Variants in PALD1 observed in about 807,000 individuals in gnomAD.
PALD1 encodes the protein paladin.
PALD1 carries 57 observed loss-of-function variants against 96.0 expected under a neutral mutation model. The observed-to-expected ratio is 0.59, with a 90% CI of 0.48 to 0.74. The LOEUF is 0.74. Ranked by LOEUF, PALD1 falls within the 30% of genes least tolerant of loss-of-function variation. PALD1 has a pLI of 0.00. For missense variants in PALD1, 1,063 were observed against 1,143.7 expected (o/e 0.93, Z 1.02); for synonymous variants, 464 against 473.6 (o/e 0.98, Z 0.26).
intron 4 of PALD1, 151 bp from the exon 5 acceptor site, chr10:70,531,139 C>T (rs1846980807): frequency 4.6e-6 from 3 of 651,890 alleles, no homozygotes; most frequent in Non-Finnish European, 8.0e-6. Flanking sequence ...TTGGACTGAG[C>T]TTTGTTTCTT....
chr10:70,536,604 A>G (rs1173291815), intron 10 of PALD1, among the ~76,000 whole-genome samples: 1 of 152,228 alleles, frequency 6.6e-6, no homozygotes, highest in Non-Finnish European at 1.5e-5. Flanking sequence ...ACTGGAACAC[A>G]GTCTTGCTGT....
At chr10:70,552,628 C>T (rs1275640316) in intron 18 of PALD1, among the ~76,000 whole-genome samples, 2 of 152,072 alleles carry the variant, frequency 1.3e-5, no homozygotes, top group Non-Finnish European at 2.9e-5. Flanking sequence ...TAAAGCACAT[C>T]GCAGTCCTCA....
At chr10:70,511,937 G>T (rs1025388295) in intron 1 of PALD1, among the ~76,000 whole-genome samples, 3 of 152,132 alleles carry the variant, frequency 2.0e-5, no homozygotes, top group Non-Finnish European at 4.4e-5. Context: ...TGAGGCAGAA[G>T]AATCACTTGA....
At position 70,540,086 on chromosome 10, in the gene PALD1, G is replaced by A. The variant is rs545455971; in HGVS notation, c.1908+324G>A. ...ACATGTGTTTATTATGTTGTAGGGT[G>A]TATGTGTGTGTATTGTGTTATGGGT... On this transcript the variant is annotated intron_variant, in intron 15 of 19. Transcript: ENST00000263563. This position sits in a 1 kb window ranked among gnomAD's most constrained non-coding sequence, Gnocchi z 4.2. Among the ~76,000 whole-genome samples the A allele has an allele frequency of 9.5e-4, 144 of 152,004 alleles. No individual in the cohort carries two copies. The highest frequency in any genetic ancestry group is 4.2e-3 in the South Asian group (20 of 4,810).
At chr10:70,498,676 C>G (rs1320845238) in intron 1 of PALD1, among the ~76,000 whole-genome samples, 1 of 151,906 alleles carries the variant, frequency 6.6e-6, no homozygotes, top group East Asian at 1.9e-4. Context: ...CCTGTAATCC[C>G]AGCACTTTGG....
intron 1 of PALD1, among the ~76,000 whole-genome samples, chr10:70,523,519 C>T (rs1438113185): frequency 6.6e-6 from 1 of 152,198 alleles, no homozygotes; most frequent in Non-Finnish European, 1.5e-5. Flanking sequence ...GAAGGTTCCG[C>T]TCTGCCCTTG....
At chr10:70,535,669 TTCTCCTTTC>T in intron 10 of PALD1, among the ~76,000 whole-genome samples, 1 of 119,992 alleles carries the variant, frequency 8.3e-6, no homozygotes. Context: ...CTCCTCCTCC[TTCTCCTTTC>T]TTCTCCTTTT....
At chr10:70,564,175 T>C (rs757320876) in intron 18 of PALD1, among the ~76,000 whole-genome samples, 189 bp from the exon 19 acceptor site, 3 of 152,084 alleles carry the variant, frequency 2.0e-5, no homozygotes, top group Non-Finnish European at 4.4e-5. Flanking sequence ...GCCTCTCAGG[T>C]AGGAAGTGGG....
At chr10:70,461,135 C>T in the PALD1 span, among the ~76,000 whole-genome samples, 1,202 of 152,388 alleles carry the variant, frequency 7.9e-3, 18 homozygotes, top group African/African-American at 0.027. Flanking sequence ...TGTGCAGCTG[C>T]AGCAGCCTTC....
upstream of PALD1, among the ~76,000 whole-genome samples, chr10:70,474,169 G>A (rs559217549): frequency 6.6e-6 from 1 of 152,264 alleles, no homozygotes; most frequent in Non-Finnish European, 1.5e-5. Context: ...CCTGCTCTTA[G>A]GAACCTCATT....
chr10:70,550,113 A>G (rs12782282), intron 18 of PALD1, among the ~76,000 whole-genome samples: 64,651 of 151,872 alleles, frequency 0.43, 14,236 homozygotes, highest in East Asian at 0.8. Context: ...CTGAGAGGAG[A>G]CACCCTCTAG....
chr10:70,541,305 C>T, intron 16 of PALD1, 63 bp downstream of exon 16: 1 of 1,557,014 alleles, frequency 6.4e-7, no homozygotes, highest in Non-Finnish European at 8.8e-7. Flanking sequence ...ACTCAGGTCC[C>T]AGGCACACTG....
intron 4 of PALD1, 63 bp downstream of exon 4, chr10:70,530,131 A>T (rs753237838): frequency 5.7e-6 from 8 of 1,392,226 alleles, no homozygotes; most frequent in Non-Finnish European, 7.7e-6. Flanking sequence ...GGCACCTTGG[A>T]GGGGCAGCTT....
chr10:70,483,408 C>T (rs1278257612), intron 1 of PALD1, among the ~76,000 whole-genome samples: 1 of 152,196 alleles, frequency 6.6e-6, no homozygotes, highest in African/African-American at 2.4e-5. Context: ...CCATGGAAGG[C>T]AGTAGAGAAC....
chr10:70,562,257 AC>A (rs746485425), intron 18 of PALD1, among the ~76,000 whole-genome samples: 109 of 151,346 alleles, frequency 7.2e-4, no homozygotes, highest in East Asian at 7.8e-4. Flanking sequence ...TCCACCTTTC[AC>A]CCCTGTCCCC....
chr10:70,465,563 C>A, the PALD1 span, among the ~76,000 whole-genome samples: 3 of 152,048 alleles, frequency 2.0e-5, no homozygotes, highest in Non-Finnish European at 4.4e-5. Context: ...GCCAATTAGG[C>A]GTGATTATGT....
chr10:70,515,186 C>A (rs1846594461), intron 1 of PALD1, among the ~76,000 whole-genome samples: 1 of 152,094 alleles, frequency 6.6e-6, no homozygotes, highest in Non-Finnish European at 1.5e-5. Flanking sequence ...ATAGGTCAGT[C>A]AGGTGCTAGT....
chr10:70,556,779 A>T (rs530143581), intron 18 of PALD1, among the ~76,000 whole-genome samples: 1 of 152,006 alleles, frequency 6.6e-6, no homozygotes. Context: ...GCTTGAGGGG[A>T]TTAATCTCAA....
chr10:70,503,145 G>A (rs1208136899), intron 1 of PALD1, among the ~76,000 whole-genome samples: 1 of 152,134 alleles, frequency 6.6e-6, no homozygotes, highest in Non-Finnish European at 1.5e-5. Flanking sequence ...CTCCCAAAGT[G>A]CTGGGATTAT....
Sources: gnomAD v4.1 joint callset for allele counts (sites outside exome capture counted in the v4.1 genomes callset) on GRCh38, gnomAD v4.1.1 for gene constraint, Gnocchi (gnomAD v3.1) non-coding constraint, MANE v1.5 for transcripts, NCBI Gene and HGNC (gene_info 2026-07-23, HGNC 2026-07-21) for gene names.